Variants in PARD3 observed in about 807,000 individuals in gnomAD.
The protein encoded by PARD3 is partitioning defective 3 homolog.
PARD3 carries 75 observed loss-of-function variants against 155.4 expected under a neutral mutation model. The ratio of observed to expected loss-of-function variants is 0.48; its 90% CI spans 0.40 to 0.58. The LOEUF (loss-of-function observed/expected upper bound fraction) is 0.58. Ranked by LOEUF, PARD3 falls within the 20% of genes least tolerant of loss-of-function variation. PARD3 has a pLI of 0.00. For synonymous variants in PARD3, 576 were observed against 610.5 expected (o/e 0.94, Z 0.83); for missense variants, 1,642 against 1,721.7 (o/e 0.95, Z 0.82).
chr10:34,301,889 C>T (rs1056058650), intron 20 of PARD3, among the ~76,000 whole-genome samples: 1 of 141,336 alleles, frequency 7.1e-6, no homozygotes, highest in Non-Finnish European at 1.5e-5. Flanking sequence ...AGAAATACAT[C>T]TATATGTCTC....
chr10:34,499,692 T>C (rs2080548125), intron 3 of PARD3, among the ~76,000 whole-genome samples: 1 of 152,236 alleles, frequency 6.6e-6, no homozygotes, highest in African/African-American at 2.4e-5. Context: ...GAATTAAGCA[T>C]ACTCTATTTC....
In PARD3 at chr10:34,433,678, A is replaced by G. The variant is rs191569048; in HGVS notation, c.714+16639T>C. On this transcript the variant is annotated intron_variant, in intron 5 of 24. Transcript: ENST00000374788. ...CAATTTAATCTAGAGGAGATTCTTG[A>G]AAAGTTAATCATTCAATGTAAGAAA... is the stretch of plus-strand genomic sequence containing the variant. Among the ~76,000 whole-genome samples, 3 of 152,332 alleles carry G rather than the reference A, an allele frequency of 2.0e-5. No homozygotes were observed. The South Asian group carries it at 6.2e-4, about 32-fold the overall frequency.
At chr10:34,246,149 G>C (rs1953939500) in intron 22 of PARD3, among the ~76,000 whole-genome samples, 1 of 152,238 alleles carries the variant, frequency 6.6e-6, no homozygotes, top group Non-Finnish European at 1.5e-5. Flanking sequence ...CTTCAGTAGA[G>C]AGGGGCTGAA....
At chr10:34,651,186 C>T (rs1479035339) in intron 2 of PARD3, among the ~76,000 whole-genome samples, 1 of 152,172 alleles carries the variant, frequency 6.6e-6, no homozygotes, top group African/African-American at 2.4e-5. Context: ...GTCCCAGCAT[C>T]ACTTTGACAA....
chr10:34,781,598 C>A (rs2134171495), intron 1 of PARD3, among the ~76,000 whole-genome samples: 1 of 152,314 alleles, frequency 6.6e-6, no homozygotes, highest in South Asian at 2.1e-4. Flanking sequence ...TCTAAATATA[C>A]CAGGCCTTTT....
intron 22 of PARD3, among the ~76,000 whole-genome samples, chr10:34,267,844 A>C (rs1209044025): frequency 6.6e-6 from 1 of 152,106 alleles, no homozygotes; most frequent in Non-Finnish European, 1.5e-5. Context: ...TCAACCTCAG[A>C]CCTACTGAAT....
intron 3 of PARD3, among the ~76,000 whole-genome samples, chr10:34,516,551 G>A (rs987507596): frequency 1.1e-4 from 17 of 152,178 alleles, no homozygotes; most frequent in South Asian, 6.2e-4. Flanking sequence ...ACTTTGACAC[G>A]GCGGTCTCTT....
intron 4 of PARD3, 39 bp from the exon 5 acceptor site, chr10:34,450,487 C>T: frequency 6.3e-7 from 1 of 1,583,836 alleles, no homozygotes; most frequent in South Asian, 1.2e-5. Flanking sequence ...TGTAAAAAAC[C>T]AGACCTTGCA....
At position 34,689,900 on chromosome 10, in the gene PARD3, A is replaced by T. The variant is rs184018313; in HGVS notation, c.222+6418T>A. Among the ~76,000 whole-genome samples, 552 of 152,152 alleles carry T rather than the reference A, an allele frequency of 3.6e-3. 3 individuals are homozygous for T. Among genetic ancestry groups the T allele is most frequent in the African/African-American group, 0.011 (459 of 41,498 alleles). ...CATTATTCAGTAAAGATCCAAAACA[A>T]CATCATCCACCTTACCCTCACTGAT... On this transcript the variant is annotated intron_variant, in intron 2 of 24. Transcript: ENST00000374788.
chr10:34,385,097 C>T (rs1023839825), intron 7 of PARD3, among the ~76,000 whole-genome samples: 4 of 152,238 alleles, frequency 2.6e-5, no homozygotes, highest in Admixed American at 2.6e-4. Flanking sequence ...GGGGTCTTAA[C>T]CTAGCTCTGA....
At chr10:34,794,743 C>T (rs1006575923) in intron 1 of PARD3, among the ~76,000 whole-genome samples, 1 of 152,212 alleles carries the variant, frequency 6.6e-6, no homozygotes, top group African/African-American at 2.4e-5. Flanking sequence ...GAAATATGAA[C>T]ACAAACTACT....
chr10:34,522,698 A>C (rs1002851190), intron 2 of PARD3, among the ~76,000 whole-genome samples: 1 of 152,204 alleles, frequency 6.6e-6, no homozygotes, highest in Admixed American at 6.5e-5. Flanking sequence ...ATGCATGTTC[A>C]ACATAGATAT....
intron 2 of PARD3, among the ~76,000 whole-genome samples, chr10:34,612,078 G>A (rs905488129): frequency 2.0e-5 from 3 of 151,786 alleles, no homozygotes; most frequent in Admixed American, 6.6e-5. Context: ...CGCCCGCCTC[G>A]GCCTCCCAAA....
At chr10:34,785,520 C>T (rs1430798976) in intron 1 of PARD3, among the ~76,000 whole-genome samples, 1 of 151,886 alleles carries the variant, frequency 6.6e-6, no homozygotes, top group African/African-American at 2.4e-5. Context: ...CTGAGGCAGG[C>T]AGATTGCTTG....
intron 22 of PARD3, among the ~76,000 whole-genome samples, chr10:34,180,055 GT>G (rs933528330): frequency 2.7e-5 from 4 of 147,996 alleles, no homozygotes; most frequent in Non-Finnish European, 6.0e-5. Flanking sequence ...AAGCATTTTT[GT>G]TTTTTTTTTG....
At chr10:34,591,142 T>C (rs1241526886) in intron 2 of PARD3, among the ~76,000 whole-genome samples, 2 of 151,584 alleles carry the variant, frequency 1.3e-5, no homozygotes, top group Admixed American at 1.3e-4. Context: ...AGACCCCCCA[T>C]CACCCCCTCC....
At chr10:34,751,364 C>T (rs1487038167) in intron 1 of PARD3, among the ~76,000 whole-genome samples, 4 of 152,192 alleles carry the variant, frequency 2.6e-5, no homozygotes, top group African/African-American at 7.2e-5. Context: ...AACTCCATCT[C>T]AGATATTAAT....
At chr10:34,562,492 C>T (rs1220907591) in intron 2 of PARD3, among the ~76,000 whole-genome samples, 1 of 152,072 alleles carries the variant, frequency 6.6e-6, no homozygotes, top group Non-Finnish European at 1.5e-5. Context: ...CATTTCCCCA[C>T]CAAGTGGCAT....
At chr10:34,196,874 G>A (rs754734398) in intron 22 of PARD3, among the ~76,000 whole-genome samples, 37 of 152,172 alleles carry the variant, frequency 2.4e-4, no homozygotes, top group Non-Finnish European at 5.0e-4. Context: ...TAGGTAAGAA[G>A]GAGACCAGCC....
Sources: allele counts gnomAD v4.1 joint callset (sites outside exome capture counted in the v4.1 genomes callset), GRCh38; gene constraint gnomAD v4.1.1; transcripts MANE v1.5; gene names NCBI Gene and HGNC (gene_info 2026-07-23, HGNC 2026-07-21).